The following KIAA0040 variants were observed in gnomAD, a reference collection of about 807,000 sequenced individuals.
The protein encoded by KIAA0040 is uncharacterized protein KIAA0040.
Under a neutral mutation model 7.2 loss-of-function variants are expected in KIAA0040, and 10 were observed. The ratio of observed to expected loss-of-function variants is 1.38; its 90% CI spans 0.85 to 2.34. The LOEUF (loss-of-function observed/expected upper bound fraction) is 2.34. Among genes scored for constraint, KIAA0040 ranks in the 30% most tolerant of loss-of-function variants. The pLI, the probability that KIAA0040 is intolerant of heterozygous loss-of-function variation, is 0.00. For synonymous variants in KIAA0040, 49 were observed against 40.1 expected (o/e 1.22, Z -0.84); for missense variants, 89 against 108.2 (o/e 0.82, Z 0.79).
chr1:175,190,413 C>T (rs537820420), intron 1 of KIAA0040, among the ~76,000 whole-genome samples: 2 of 152,330 alleles, frequency 1.3e-5, no homozygotes, highest in East Asian at 3.9e-4. Context: ...CCTGTATACC[C>T]AACTGCTTAT....
At chr1:175,169,953 C>T (rs1225988652) in intron 2 of KIAA0040, among the ~76,000 whole-genome samples, 1 of 152,130 alleles carries the variant, frequency 6.6e-6, no homozygotes, top group African/African-American at 2.4e-5. Flanking sequence ...GTCCTGGCAC[C>T]ATGGGTATAG....
At chr1:175,173,189 A>G (rs1302904019) in intron 2 of KIAA0040, among the ~76,000 whole-genome samples, 2 of 152,114 alleles carry the variant, frequency 1.3e-5, no homozygotes, top group East Asian at 3.9e-4. Context: ...GTCCATCACT[A>G]TCAATTTTCT....
chr1:175,163,625 A>G (rs1273022122), intron 3 of KIAA0040, among the ~76,000 whole-genome samples: 1 of 152,194 alleles, frequency 6.6e-6, no homozygotes, highest in Non-Finnish European at 1.5e-5. Flanking sequence ...TCCCTCTGCA[A>G]TGACCTTTGC....
chr1:175,182,615 G>A (rs908911375), intron 1 of KIAA0040, among the ~76,000 whole-genome samples: 1 of 152,166 alleles, frequency 6.6e-6, no homozygotes, highest in Non-Finnish European at 1.5e-5. Flanking sequence ...TTCAGTCTAC[G>A]CTCTCACCCA....
chr1:175,191,550 C>A (rs1418600706), intron 1 of KIAA0040, among the ~76,000 whole-genome samples: 1 of 152,236 alleles, frequency 6.6e-6, no homozygotes, highest in Non-Finnish European at 1.5e-5. Context: ...GTTGATGCAA[C>A]TGAACCAGTT....
Position 175,157,974 on chromosome 1 carries a change from T to C in KIAA0040, c.*2740A>G, listed in dbSNP as rs1676357515. On this transcript the variant is annotated 3_prime_UTR_variant, in exon 4 of 4. Transcript: ENST00000423313. ...GGACAGAGGCTGGAAGGAGTGAAAATGGAGAGGAATAAAGGGCTGGGGCTG... is the reference window on the plus strand; with the variant it reads ...GGACAGAGGCTGGAAGGAGTGAAAACGGAGAGGAATAAAGGGCTGGGGCTG... The C allele has an allele frequency of 6.6e-6, 1 of 151,438 alleles. No individual in the cohort carries two copies. The highest frequency in any genetic ancestry group is 2.1e-4 in the South Asian group (1 of 4,778). The allele number at this position is 151,438 out of a possible 1,614,324, so 9.4% of individuals were successfully genotyped here.
At chr1:175,175,919 T>C (rs911238893) in intron 2 of KIAA0040, among the ~76,000 whole-genome samples, 14 of 152,146 alleles carry the variant, frequency 9.2e-5, no homozygotes, top group African/African-American at 3.1e-4. Context: ...GAGATATACT[T>C]AATGTAATGA....
At chr1:175,164,106 T>G (rs1011808) in intron 3 of KIAA0040, among the ~76,000 whole-genome samples, 148,369 of 152,262 alleles carry the variant, frequency 0.97, 72,302 homozygotes, top group East Asian at 0.99. Context: ...GGCATGGCCA[T>G]GGTAGAGGGG....
chr1:175,174,489 T>C (rs1258009699), intron 2 of KIAA0040, among the ~76,000 whole-genome samples: 1 of 152,232 alleles, frequency 6.6e-6, no homozygotes, highest in African/African-American at 2.4e-5. Context: ...TTTCCTCATC[T>C]GAGAAATGAG....
chr1:175,171,521 A>C (rs1571198574), intron 2 of KIAA0040, among the ~76,000 whole-genome samples: 1 of 152,254 alleles, frequency 6.6e-6, no homozygotes, highest in Non-Finnish European at 1.5e-5. Flanking sequence ...ACCAAAGGGC[A>C]TAGAAAAGTG....
At chr1:175,183,130 G>A (rs1230049229) in intron 1 of KIAA0040, among the ~76,000 whole-genome samples, 1 of 152,202 alleles carries the variant, frequency 6.6e-6, no homozygotes, top group African/African-American at 2.4e-5. Context: ...AGATATCATA[G>A]TTGAAAATTT....
intron 2 of KIAA0040, among the ~76,000 whole-genome samples, chr1:175,174,715 G>A (rs562420055): frequency 8.8e-4 from 134 of 152,226 alleles, no homozygotes; most frequent in African/African-American, 3.0e-3. Context: ...CCCCTAGTCT[G>A]TGGTTATTAG....
At chr1:175,178,119 G>A (rs1677278421) in intron 1 of KIAA0040, among the ~76,000 whole-genome samples, 1 of 152,198 alleles carries the variant, frequency 6.6e-6, no homozygotes, top group South Asian at 2.1e-4. Context: ...TCTACAACCA[G>A]GCCAGCCCCT....
At position 175,176,669 on chromosome 1, in the gene KIAA0040, C is replaced by CTTTTTTTTTTTTTTTTTTTT. The variant is rs34859478; in HGVS notation, c.-310+922_-310+941dup. Among the ~76,000 whole-genome samples the CTTTTTTTTTTTTTTTTTTTT allele has an allele frequency of 7.3e-5, 2 of 27,440 alleles. 1 individual carries two copies. The highest frequency in any genetic ancestry group is 1.8e-3 in the Admixed American group (2 of 1,126). 18.0% of individuals were successfully genotyped at this position (27,440 alleles called of 152,430 possible). On this transcript the variant is annotated intron_variant, in intron 2 of 3. Transcript: ENST00000423313. ...ATCCAGTGTCAGGTTAAGTAGCATGCTTTTTTTTTTTTTTTTTTTTTTTTT... is the reference window on the plus strand; with the variant it reads ...ATCCAGTGTCAGGTTAAGTAGCATGCTTTTTTTTTTTTTTTTTTTTTTTTTTTTTTTTTTTTTTTTTTTTT...
chr1:175,170,366 T>G lies in KIAA0040; in HGVS notation c.-309-3629A>C, dbSNP rs564190252. Among the ~76,000 whole-genome samples the G allele has an allele frequency of 2.6e-5, 4 of 152,214 alleles. No individual in the cohort carries two copies. The South Asian group carries it at 8.3e-4, about 32-fold the overall frequency. On this transcript the variant is annotated intron_variant, in intron 2 of 3. Coordinates refer to ENST00000423313, the MANE Select transcript of KIAA0040 (RefSeq NM_014656.3). ...CAGGCCTTCAAATGGCCTCTAGTTT[T>G]TCCTTCTTTCAATTCGTCTTTCTAA...
chr1:175,165,231 G>A (rs150810818), intron 3 of KIAA0040, among the ~76,000 whole-genome samples: 8 of 152,266 alleles, frequency 5.3e-5, no homozygotes, highest in Admixed American at 1.3e-4. Flanking sequence ...AGAGCCAGAA[G>A]GCCTGGTTTT....
At chr1:175,161,452 C>T (rs186251314) in intron 3 of KIAA0040, among the ~76,000 whole-genome samples, 63 of 152,282 alleles carry the variant, frequency 4.1e-4, no homozygotes, top group African/African-American at 1.5e-3. Context: ...GTTCAGTGTT[C>T]TGATAAGGGG....
intron 1 of KIAA0040, among the ~76,000 whole-genome samples, chr1:175,178,794 C>T (rs1677311062): frequency 6.6e-6 from 1 of 152,134 alleles, no homozygotes. Context: ...TTGTGAAAGT[C>T]AAATACTAAT....
chr1:175,191,399 G>A (rs747162459), intron 1 of KIAA0040, among the ~76,000 whole-genome samples: 18 of 152,158 alleles, frequency 1.2e-4, no homozygotes, highest in Non-Finnish European at 2.6e-4. Flanking sequence ...GTTTTACAAC[G>A]CATCTCTTTC....
Sources: gnomAD v4.1 joint callset for allele counts (sites outside exome capture counted in the v4.1 genomes callset) on GRCh38, gnomAD v4.1.1 for gene constraint, MANE v1.5 for transcripts, NCBI Gene and HGNC (gene_info 2026-07-23, HGNC 2026-07-21) for gene names.